The following RPL34 variants were observed in gnomAD, a reference collection of about 807,000 sequenced individuals.
The protein encoded by RPL34 is ribosomal protein L34, also known as large ribosomal subunit protein eL34.
A neutral mutation model predicts 16.3 loss-of-function variants in RPL34; 2 were observed. That is an observed-to-expected ratio of 0.12 (90% CI 0.05 to 0.39). The LOEUF is 0.39. Ranked by LOEUF, RPL34 falls within the 10% of genes least tolerant of loss-of-function variation. The pLI is 0.99. For missense variants in RPL34, 82 were observed against 148.8 expected (o/e 0.55, Z 2.33); for synonymous variants, 47 against 48.5 (o/e 0.97, Z 0.13).
At chr4:108,626,363 C>G (rs994136001), downstream of RPL34, among the ~76,000 whole-genome samples, 2 of 151,740 alleles carry the variant, frequency 1.3e-5, no homozygotes, top group East Asian at 3.9e-4. Flanking sequence ...CTCCTGGGCT[C>G]AAGCAGTCTG....
chr4:108,622,263 C>T lies in RPL34; in HGVS notation c.165+59C>T, dbSNP rs41474644. The T allele has an allele frequency of 8.5e-4, 1,047 of 1,227,660 alleles. 11 individuals carry two copies. In the African/African-American group the frequency reaches 0.014, roughly 16 times the overall value. The allele number at this position is 1,227,660 out of a possible 1,614,324, so 76.0% of individuals were successfully genotyped here. A position where few individuals can be genotyped will look rare whatever the true frequency, so the allele number is the denominator to read the frequency against. On this transcript the variant is annotated intron_variant, in intron 3 of 4. Coordinates refer to ENST00000394667, the MANE Select transcript of RPL34 (RefSeq NM_001319236.2). ...AGTCTTGAACTTACTGAGCTTTCAT[C>T]CCTTGACGATGGAATGAATCAAGGA...
intron 3 of RPL34, 106 bp from the exon 4 acceptor site, chr4:108,622,409 A>C: frequency 1.1e-6 from 1 of 878,496 alleles, no homozygotes; most frequent in Non-Finnish European, 1.9e-6. Context: ...AAATGAGTAC[A>C]CCATTTCCCT....
intron 4 of RPL34, 151 bp from the exon 5 acceptor site, chr4:108,624,977 T>C: frequency 1.7e-6 from 1 of 581,620 alleles, no homozygotes; most frequent in Non-Finnish European, 3.1e-6. Flanking sequence ...GAATTTCACC[T>C]TTTAAGTTTT....
chr4:108,623,013 G>A (rs1725849823), intron 4 of RPL34: 1 of 155,640 alleles, frequency 6.4e-6, no homozygotes, highest in African/African-American at 2.4e-5. Flanking sequence ...TAGGGTTGCA[G>A]GAGATGATGG....
chr4:108,630,052 A>G (rs1226657270), downstream of RPL34: 1 of 152,180 alleles, frequency 6.6e-6, no homozygotes. Context: ...TGCTGGAGCT[A>G]CCTCACCTCA....
downstream of RPL34, among the ~76,000 whole-genome samples, chr4:108,626,447 CTTTTTTTT>C (rs34343318): frequency 7.7e-5 from 9 of 117,080 alleles, no homozygotes; most frequent in Non-Finnish European, 1.0e-4. Flanking sequence ...GGCTGACAAC[CTTTTTTTT>C]TTTTTTTTTT....
chr4:108,624,057 T>C (rs1402866161), intron 4 of RPL34, among the ~76,000 whole-genome samples: 2 of 109,200 alleles, frequency 1.8e-5, no homozygotes, highest in African/African-American at 3.5e-5. Context: ...TGAAGAAGTT[T>C]GGCTTTTTTT....
At chr4:108,628,747 TAACA>T (rs1308625710), downstream of RPL34, among the ~76,000 whole-genome samples, 3 of 152,212 alleles carry the variant, frequency 2.0e-5, no homozygotes, top group African/African-American at 4.8e-5. Context: ...TGGTTTTACT[TAACA>T]AACAGCTTTG....
chr4:108,625,361 T>G lies in RPL34; in HGVS notation c.*149T>G, dbSNP rs557811085. 1 of 523,236 alleles carries G rather than the reference T, an allele frequency of 1.9e-6. No homozygotes were observed. The highest frequency in any genetic ancestry group is 3.4e-6 in the Non-Finnish European group (1 of 293,594). The allele number at this position is 523,236 out of a possible 1,614,324, so 32.4% of individuals were successfully genotyped here. A position where few individuals can be genotyped will look rare whatever the true frequency, so the allele number is the denominator to read the frequency against. On this transcript the variant is annotated 3_prime_UTR_variant, in exon 5 of 5. Transcript: ENST00000394667. ...TTTTAGCAGATTACTTTTTCTTGTT[T>G]TGTTTGTTGTTTGTTTGTTTTTGGT...
chr4:108,628,897 A>C (rs1403594638), downstream of RPL34, among the ~76,000 whole-genome samples: 1 of 152,158 alleles, frequency 6.6e-6, no homozygotes, highest in African/African-American at 2.4e-5. Context: ...ATCTCAGCTT[A>C]CTGCAACCTC....
In RPL34 at chr4:108,622,035, C is replaced by A; in HGVS notation, c.65+11C>A. 2.5e-6 allele frequency: 4 copies of A among 1,602,540 alleles called. No individual in the cohort carries two copies. The highest frequency in any genetic ancestry group is 2.2e-5 in the South Asian group (2 of 90,740). ...TAACAAAACTAGGCTGTAAGTATTT[C>A]TGAAAATTTTAAGTATATATTGTCA... On this transcript the variant is annotated intron_variant, in intron 2 of 4. Coordinates refer to ENST00000394667, the MANE Select transcript of RPL34 (RefSeq NM_001319236.2).
chr4:108,627,634 G>A (rs749170128), downstream of RPL34, among the ~76,000 whole-genome samples: 92 of 152,264 alleles, frequency 6.0e-4, no homozygotes, highest in Non-Finnish European at 5.7e-4. Context: ...GGCTGAGGCA[G>A]GTGGATCACC....
chr4:108,625,238 A>G lies in RPL34; in HGVS notation c.*26A>G, dbSNP rs977253191. ...AAAAATGAAACTTTTTTGAGTAATA[A>G]AAATGAAAAGACGCTGTATGTATGA... On this transcript the variant is annotated 3_prime_UTR_variant, in exon 5 of 5. Transcript: ENST00000394667. 2.1e-6 allele frequency: 3 copies of G among 1,459,690 alleles called. No homozygotes were observed. In the African/African-American group the frequency reaches 4.2e-5, roughly 20 times the overall value. 90.4% of individuals were successfully genotyped at this position (1,459,690 alleles called of 1,614,324 possible). A position where few individuals can be genotyped will look rare whatever the true frequency, so the allele number is the denominator to read the frequency against.
chr4:108,623,627 T>C (rs1384694212), intron 4 of RPL34, among the ~76,000 whole-genome samples: 1 of 151,016 alleles, frequency 6.6e-6, no homozygotes, highest in African/African-American at 2.5e-5. Context: ...GCCAGGATGG[T>C]CTCTATCTGA....
At chr4:108,625,616 C>A, downstream of RPL34, 1 of 158,736 alleles carries the variant, frequency 6.3e-6, no homozygotes, top group Non-Finnish European at 1.4e-5. Context: ...AAACTCCCGA[C>A]CTCAGGTGAT....
chr4:108,621,893 T>G, intron 1 of RPL34, 58 bp from the exon 2 acceptor site: 58 of 1,148,452 alleles, frequency 5.1e-5, no homozygotes, highest in Non-Finnish European at 7.1e-5. Context: ...GATACTGTTT[T>G]GAGATTTTAT....
chr4:108,623,974 A>G (rs1725888533), intron 4 of RPL34, among the ~76,000 whole-genome samples: 1 of 152,232 alleles, frequency 6.6e-6, no homozygotes, highest in East Asian at 1.9e-4. Context: ...AGGCAAGGAA[A>G]GTACGGACTG....
At chr4:108,621,881 A>G (rs1725793190) in intron 1 of RPL34, 70 bp from the exon 2 acceptor site, 1 of 1,011,364 alleles carries the variant, frequency 9.9e-7, no homozygotes, top group East Asian at 2.4e-5. Context: ...AATAGACCAC[A>G]TGATACTGTT....
In RPL34 at chr4:108,625,331, A is replaced by G. The variant is rs368626045; in HGVS notation, c.*119A>G. ...TTTCTGTATGGTATTTGGGGACCCT[A>G]TAGTTTTTAGCAGATTACTTTTTCT... On this transcript the variant is annotated 3_prime_UTR_variant, in exon 5 of 5. Coordinates refer to ENST00000394667, the MANE Select transcript of RPL34 (RefSeq NM_001319236.2). The G allele has an allele frequency of 2.5e-5, 15 of 594,466 alleles. No individual in the cohort carries two copies. In the East Asian group the frequency reaches 4.2e-4, roughly 17 times the overall value. The allele number at this position is 594,466 out of a possible 1,614,324, so 36.8% of individuals were successfully genotyped here.
Sources: gnomAD v4.1 joint callset for allele counts (sites outside exome capture counted in the v4.1 genomes callset) on GRCh38, gnomAD v4.1.1 for gene constraint, MANE v1.5 for transcripts, NCBI Gene and HGNC (gene_info 2026-07-23, HGNC 2026-07-21) for gene names.